Variants in NDRG3 observed in about 807,000 individuals in gnomAD.
The protein encoded by NDRG3 is NDRG family member 3, also known as protein NDRG3.
In NDRG3, 23 loss-of-function variants were observed where a neutral mutation model predicts 57.2. The ratio of observed to expected loss-of-function variants is 0.40; its 90% CI spans 0.29 to 0.57. NDRG3 has a LOEUF of 0.57. NDRG3 is among the 20% of genes least tolerant of loss of function. NDRG3 has a pLI of 0.42. For synonymous variants in NDRG3, 132 were observed against 162.6 expected (o/e 0.81, Z 1.43); for missense variants, 384 against 457.3 (o/e 0.84, Z 1.46).
rs1978667542 is a variant in NDRG3, at chr20:36,656,353, T to A, written c.946+7A>T. 6.2e-7 allele frequency: 1 copy of A among 1,613,738 alleles called. No individual in the cohort carries two copies. Among genetic ancestry groups the A allele is most frequent in the African/African-American group, 1.3e-5 (1 of 74,900 alleles). ...CGTTGCTAGATAGAAAGTTGTGTAC[T>A]ACTCACTGTAGCCCATTCCCTGCAA... On this transcript the variant is annotated splice_region_variant and intron_variant, in intron 15 of 15. Transcript: ENST00000349004.
At chr20:36,745,589 T>A (rs1025974192) in intron 1 of NDRG3, among the ~76,000 whole-genome samples, 1 of 152,204 alleles carries the variant, frequency 6.6e-6, no homozygotes, top group African/African-American at 2.4e-5. Context: ...GAGGATGCCC[T>A]CTGCTGCTCT....
intron 1 of NDRG3, among the ~76,000 whole-genome samples, chr20:36,722,903 C>A (rs1469160085): frequency 6.6e-6 from 1 of 152,190 alleles, no homozygotes; most frequent in Non-Finnish European, 1.5e-5. Flanking sequence ...TGCTTCAAGA[C>A]ACTATAAACT....
At chr20:36,729,821 C>T (rs1985167856) in intron 1 of NDRG3, among the ~76,000 whole-genome samples, 1 of 152,048 alleles carries the variant, frequency 6.6e-6, no homozygotes, top group African/African-American at 2.4e-5. Context: ...AGCCACCATG[C>T]CCAGCCAATT....
chr20:36,743,766 C>T (rs1301586403), intron 1 of NDRG3, among the ~76,000 whole-genome samples: 2 of 150,022 alleles, frequency 1.3e-5, no homozygotes, highest in South Asian at 2.1e-4. Context: ...TGCAGTGAGC[C>T]GAGATGGCGC....
chr20:36,688,904 T>C (rs999161213), intron 3 of NDRG3, 120 bp from the exon 4 acceptor site: 4 of 735,476 alleles, frequency 5.4e-6, no homozygotes, highest in Non-Finnish European at 9.6e-6. Context: ...CATTAATAAA[T>C]TACATGTGGC....
chr20:36,682,462 A>G, intron 7 of NDRG3, 56 bp downstream of exon 7: 1 of 1,387,000 alleles, frequency 7.2e-7, no homozygotes, highest in Non-Finnish European at 1.0e-6. Context: ...CAGCAGTAAT[A>G]GCTGTGACCC....
rs367579771 is a variant in NDRG3 at position 36,691,439 on chromosome 20, C to T, written c.94-2655G>A. ...GCTATGAAATAAAGTATAGGCCAGG[C>T]GCGGTGGCTCATGCCTGTAATCCCA... On this transcript the variant is annotated intron_variant, in intron 3 of 15. Transcript: ENST00000349004. Among the ~76,000 whole-genome samples, 6 of 152,276 alleles carry T rather than the reference C, an allele frequency of 3.9e-5. 1 individual carries two copies. In the South Asian group the frequency reaches 1.0e-3, roughly 26 times the overall value.
intron 13 of NDRG3, among the ~76,000 whole-genome samples, chr20:36,657,194 T>C (rs1047198315): frequency 2.0e-5 from 3 of 152,218 alleles, no homozygotes; most frequent in African/African-American, 4.8e-5. Flanking sequence ...GGTTCGAGAT[T>C]GTGCATTTCT....
rs573170097 is a variant in NDRG3, at chr20:36,669,119, C to T, written c.588+2222G>A. On this transcript the variant is annotated intron_variant, in intron 9 of 15. Transcript: ENST00000349004. Reference sequence around the variant, plus strand: ...TTGCCCATGCTGGAGTGCAATGGCGCGATCTCGGCTCAACGCAACCTTCAC... The same window carrying T: ...TTGCCCATGCTGGAGTGCAATGGCGTGATCTCGGCTCAACGCAACCTTCAC... Among the ~76,000 whole-genome samples, 28 of 151,690 alleles carry T rather than the reference C, an allele frequency of 1.8e-4. 1 individual carries two copies. Among genetic ancestry groups the T allele is most frequent in the African/African-American group, 4.8e-4 (20 of 41,346 alleles).
chr20:36,698,990 A>G (rs1983031575), intron 3 of NDRG3, among the ~76,000 whole-genome samples: 1 of 152,172 alleles, frequency 6.6e-6, no homozygotes, highest in Non-Finnish European at 1.5e-5. Flanking sequence ...TGCCCAGGCT[A>G]GAGTGCAGTG....
chr20:36,706,574 G>A (rs533837593), intron 3 of NDRG3, among the ~76,000 whole-genome samples: 3 of 152,196 alleles, frequency 2.0e-5, no homozygotes, highest in East Asian at 3.9e-4. Flanking sequence ...GCACGATCTC[G>A]GCTCACTGAA....
chr20:36,736,719 C>G (rs1396218574), intron 1 of NDRG3, among the ~76,000 whole-genome samples: 1 of 152,106 alleles, frequency 6.6e-6, no homozygotes, highest in Non-Finnish European at 1.5e-5. Context: ...ATAAACAAGC[C>G]AAACCACCCA....
intron 8 of NDRG3, among the ~76,000 whole-genome samples, chr20:36,673,551 G>T (rs978768374): frequency 6.6e-6 from 1 of 151,986 alleles, no homozygotes; most frequent in Non-Finnish European, 1.5e-5. Flanking sequence ...GAACACAGGC[G>T]TGCACCACCA....
intron 10 of NDRG3, among the ~76,000 whole-genome samples, chr20:36,665,876 A>G (rs1040497593): frequency 6.6e-6 from 1 of 152,182 alleles, no homozygotes; most frequent in African/African-American, 2.4e-5. Context: ...GATTATAGGC[A>G]TGAGCCACCA....
chr20:36,712,336 T>A (rs1263912058), intron 2 of NDRG3, among the ~76,000 whole-genome samples: 2 of 151,190 alleles, frequency 1.3e-5, no homozygotes, highest in Non-Finnish European at 2.9e-5. Flanking sequence ...GGGGGCATTC[T>A]AAAAGGCTGA....
chr20:36,667,964 G>C (rs1979779242), intron 9 of NDRG3, among the ~76,000 whole-genome samples: 1 of 152,180 alleles, frequency 6.6e-6, no homozygotes, highest in Non-Finnish European at 1.5e-5. Context: ...GACAGGCCAG[G>C]TGTGGTGGCT....
intron 3 of NDRG3, among the ~76,000 whole-genome samples, chr20:36,694,108 C>T (rs923740073): frequency 6.6e-6 from 1 of 151,990 alleles, no homozygotes; most frequent in Non-Finnish European, 1.5e-5. Context: ...AGGTCTTCAT[C>T]CTTGTTATCT....
chr20:36,730,109 T>C (rs1321036946), intron 1 of NDRG3, among the ~76,000 whole-genome samples: 1 of 151,368 alleles, frequency 6.6e-6, no homozygotes, highest in Non-Finnish European at 1.5e-5. Context: ...TAGCCGGGCA[T>C]GATAGCACGT....
At position 36,693,041 on chromosome 20, in the gene NDRG3, C is replaced by T. The variant is rs144637820; in HGVS notation, c.94-4257G>A. On this transcript the variant is annotated intron_variant, in intron 3 of 15. Coordinates refer to ENST00000349004, the MANE Select transcript of NDRG3 (RefSeq NM_032013.4). ...AGTTAGCTATGATCACAATACTGTA[C>T]TCCAGCCGGGGTGACAGCAAGACCC... 5.7e-4 allele frequency among the ~76,000 whole-genome samples: 69 copies of T among 121,446 alleles called. No individual in the cohort carries two copies. The East Asian group carries it at 0.015, about 27-fold the overall frequency. 79.7% of individuals were successfully genotyped at this position (121,446 alleles called of 152,430 possible).
Sources: allele counts gnomAD v4.1 joint callset (sites outside exome capture counted in the v4.1 genomes callset), GRCh38; gene constraint gnomAD v4.1.1; transcripts MANE v1.5; gene names NCBI Gene and HGNC (gene_info 2026-07-23, HGNC 2026-07-21).